Variants in NACAD observed in about 807,000 individuals in gnomAD.
NACAD encodes the protein NAC alpha domain containing, also known as NAC-alpha domain-containing protein 1.
Under a neutral mutation model 98.9 loss-of-function variants are expected in NACAD, and 47 were observed. The observed-to-expected ratio is 0.48, with a 90% CI of 0.38 to 0.61. The LOEUF is 0.61. Ranked by LOEUF, NACAD falls within the 20% of genes least tolerant of loss-of-function variation. The probability of loss-of-function intolerance (pLI) is 0.00; values close to 1 mark genes in which losing one functional copy is unlikely to be tolerated. For missense variants in NACAD, 1,412 were observed against 1,748.2 expected (o/e 0.81, Z 3.43); for synonymous variants, 696 against 767.2 (o/e 0.91, Z 1.53).
rs1257605503 is a variant in NACAD at position 45,082,486 on chromosome 7, G to C, written c.3694C>G (p.Pro1232Ala). ...DRPLGPDPSAPGTLAGAALPP... is the reference protein window; with the variant it reads ...DRPLGPDPSAAGTLAGAALPP... ...AGGGCTGCCCCAGCAAGGGTACCAGGAGCAGAAGGGTCAGGGCCCAGGGGC... is the reference window on the plus strand; with the variant it reads ...AGGGCTGCCCCAGCAAGGGTACCAGCAGCAGAAGGGTCAGGGCCCAGGGGC... The change falls in exon 2 of 8, where the codon CCT becomes GCT. Residue 1232 changes from proline (P) to alanine (A), a missense_variant. Coordinates refer to ENST00000490531, the MANE Select transcript of NACAD (RefSeq NM_001146334.2). The surrounding 1 kb of genome is among the most constrained non-coding windows in gnomAD (Gnocchi z 4.5). The C allele has an allele frequency of 3.2e-6, 5 of 1,549,510 alleles. No homozygotes were observed. The highest frequency in any genetic ancestry group is 4.4e-6 in the Non-Finnish European group (5 of 1,146,852).
At position 45,083,022 on chromosome 7, in the gene NACAD, C is replaced by T. The variant is rs1199630255; in HGVS notation, c.3158G>A (p.Cys1053Tyr). 6.4e-7 allele frequency: 1 copy of T among 1,550,960 alleles called. No homozygotes were observed. Among genetic ancestry groups the T allele is most frequent in the Non-Finnish European group, 8.7e-7 (1 of 1,146,996 alleles). Residue 1053 changes from cysteine (C) to tyrosine (Y), a missense_variant, in exon 2 of 8, where the codon TGT becomes TAT. Around this residue, in one of 5 missense-constraint regions of NACAD, gnomAD observed 572 missense variants for 639.6 expected, o/e 0.89. Coordinates refer to ENST00000490531, the MANE Select transcript of NACAD (RefSeq NM_001146334.2). ...EALSRPGREA[C>Y]LEARAHTGDG... The stretch of plus-strand genomic sequence containing the variant: ...ACCTGTGTGCGCTCGCGCTTCCAGA[C>T]ATGCTTCCCGTCCAGGCCTAGAAAG...
Position 45,085,122 on chromosome 7 carries a change from T to C in NACAD, c.1058A>G (p.Glu353Gly), listed in dbSNP as rs1167366609. Residue 353 changes from glutamate (E) to glycine (G), a missense_variant, in exon 2 of 8, where the codon GAG becomes GGG. Physicochemically the swap from Glu to Gly is moderately conservative, Grantham distance 98. Around this residue, in one of 5 missense-constraint regions of NACAD, gnomAD observed 638 missense variants for 722.7 expected, o/e 0.88. Transcript: ENST00000490531. This position sits in a 1 kb window ranked among gnomAD's most constrained non-coding sequence, Gnocchi z 6.1. ...DPGGDLAGEG[E>G]EDSTSASFLQ... The stretch of plus-strand genomic sequence containing the variant: ...GAAGGAGGCAGACGTGCTGTCCTCC[T>C]CACCCTCCCCAGCCAGGTCCCCACC... 22 of 1,550,890 alleles carry C rather than the reference T, an allele frequency of 1.4e-5. 1 individual carries two copies. The highest frequency in any genetic ancestry group is 1.7e-5 in the Non-Finnish European group (20 of 1,146,820).
chr7:45,083,291 G>A lies in NACAD; in HGVS notation c.2889C>T (p.Thr963=), dbSNP rs1441431926. 1.9e-6 allele frequency: 3 copies of A among 1,551,048 alleles called. No homozygotes were observed. In the Admixed American group the frequency reaches 5.9e-5, roughly 30 times the overall value. The change falls in exon 2 of 8, where the codon ACC becomes ACT. Residue 963 remains threonine, a synonymous_variant. Transcript: ENST00000490531. The part of the protein sequence containing the change: ...GCAPGTEPVA[T]MAQQEVGEAL... ...CCTCACCTACTTCCTGCTGAGCCAT[G>A]GTGGCCACAGGCTCTGTCCCTGGGG... is the stretch of plus-strand genomic sequence containing the variant.
chr7:45,086,202 G>A (rs1018354646), intron 1 of NACAD, 90 bp from the exon 2 acceptor site: 2 of 1,371,912 alleles, frequency 1.5e-6, no homozygotes, highest in Middle Eastern at 2.2e-4. Context: ...GCTGCATAGG[G>A]CCCAGAGGAA....
Position 45,082,269 on chromosome 7 carries a change from G to A in NACAD, c.3911C>T (p.Pro1304Leu). The A allele has an allele frequency of 6.4e-7, 1 of 1,550,626 alleles. No individual in the cohort carries two copies. Among genetic ancestry groups the A allele is most frequent in the South Asian group, 1.2e-5 (1 of 84,056 alleles). Residue 1304 changes from proline to leucine, a missense_variant, in exon 2 of 8, where the codon CCA becomes CTA. Transcript: ENST00000490531. The surrounding 1 kb of genome is among the most constrained non-coding windows in gnomAD (Gnocchi z 4.5). ...GGAGGCCACCTTGGGGCTGAGGAGT[G>A]GGGAGTGAGGCGAGAGGCTGACTCG... The part of the protein sequence containing the change: ...GPRVSLSPHS[P>L]LLSPKVASMD...
rs1434887976 is a variant in NACAD at position 45,082,903 on chromosome 7, G to T, written c.3277C>A (p.Pro1093Thr). The stretch of plus-strand genomic sequence containing the variant: ...CTTGCACCTCCAAGTGCTGACCTGG[G>T]TCCATGTTCCTGTGCCAGTGGCTTC... Reference protein sequence around the residue: ...GLKPLAQEHGPRSALGGAREV... With the variant: ...GLKPLAQEHGTRSALGGAREV... The change falls in exon 2 of 8, where the codon CCC becomes ACC. Residue 1093 changes from proline to threonine, a missense_variant. By Grantham distance (38) the Pro-to-Thr change is conservative. Around this residue, in one of 5 missense-constraint regions of NACAD, gnomAD observed 572 missense variants for 639.6 expected, o/e 0.89. Transcript: ENST00000490531. This position sits in a 1 kb window ranked among gnomAD's most constrained non-coding sequence, Gnocchi z 4.5. 15 of 1,551,042 alleles carry T rather than the reference G, an allele frequency of 9.7e-6. No homozygotes were observed. The East Asian group carries it at 3.7e-4, about 38-fold the overall frequency.
intron 4 of NACAD, 123 bp from the exon 5 acceptor site, chr7:45,081,386 G>A: frequency 7.2e-7 from 1 of 1,387,952 alleles, no homozygotes. Flanking sequence ...TTGGGCTGGT[G>A]GTTGGTCCTT....
chr7:45,084,976 C>T lies in NACAD; in HGVS notation c.1204G>A (p.Glu402Lys). Residue 402 changes from glutamate to lysine, a missense_variant, in exon 2 of 8, where the codon GAG (glutamate) becomes AAG (lysine). By Grantham distance (56) the Glu-to-Lys change is moderately conservative. Coordinates refer to ENST00000490531, the MANE Select transcript of NACAD (RefSeq NM_001146334.2). ...DSASYAEADD[E>K]RLYSGEPHAQ... is the part of the protein sequence containing the mutation. ...TGGGGCTCCCCGCTGTACAGCCTCT[C>T]ATCATCTGCCTCTGCGTAGGAGGCT... 1 of 1,551,144 alleles carries T rather than the reference C, an allele frequency of 6.4e-7. No individual in the cohort carries two copies. The highest frequency in any genetic ancestry group is 8.7e-7 in the Non-Finnish European group (1 of 1,146,970).
Position 45,081,830 on chromosome 7 carries a change from A to G in NACAD, c.4110T>C (p.Asp1370=). ...PRALGSGQHS[D]SHGESSAELD... ...GCTCGGCTGATGACTCCCCGTGGCT[A>G]TCCGAATGCTGGCCCGAGCCCAGGG... Residue 1370 remains aspartate (D), a synonymous_variant, in exon 3 of 8, where the codon GAT becomes GAC. Coordinates refer to ENST00000490531, the MANE Select transcript of NACAD (RefSeq NM_001146334.2). 1.3e-6 allele frequency: 2 copies of G among 1,549,178 alleles called. No homozygotes were observed. The highest frequency in any genetic ancestry group is 1.2e-5 in the South Asian group (1 of 84,020).
chr7:45,084,592 C>A lies in NACAD; in HGVS notation c.1588G>T (p.Glu530Ter). ...AAMAMPQPSQ[E>*]GISEILGQES... The stretch of plus-strand genomic sequence containing the variant: ...TGGCCTAAGATCTCGCTGATGCCCT[C>A]CTGGGAGGGCTGAGGCATTGCCATG... The change falls in exon 2 of 8, where the codon GAG (glutamate) becomes TAG (stop). Residue 530 changes from glutamate (E) to a stop codon, truncating the protein, a stop_gained. Coordinates refer to ENST00000490531, the MANE Select transcript of NACAD (RefSeq NM_001146334.2). LOFTEE classifies it high-confidence loss of function. The A allele has an allele frequency of 6.4e-7, 1 of 1,551,846 alleles. No homozygotes were observed. Among genetic ancestry groups the A allele is most frequent in the Non-Finnish European group, 8.7e-7 (1 of 1,147,040 alleles).
rs2304692 is a variant in NACAD at position 45,081,105 on chromosome 7, C to T, written c.4404+12G>A. ...CTCGGATCCCCCATTCCACCACAGC[C>T]GCCACCCAGACCTTGGCCTCGCCAA... On this transcript the variant is annotated intron_variant, in intron 5 of 7. Transcript: ENST00000490531. 0.16 allele frequency: 254,550 copies of T among 1,551,140 alleles called. 22,430 individuals are homozygous for T. The highest frequency in any genetic ancestry group is 0.27 in the Admixed American group (13,641 of 50,976).
At chr7:45,081,926 T>A in intron 2 of NACAD, 59 bp from the exon 3 acceptor site, 1 of 1,494,478 alleles carries the variant, frequency 6.7e-7, no homozygotes, top group Non-Finnish European at 9.0e-7. Context: ...GGGAAGGGGG[T>A]TCAGGACCCT....
At position 45,080,939 on chromosome 7, in the gene NACAD, C is replaced by G. The variant is rs1427933187; in HGVS notation, c.4488G>C (p.Glu1496Asp). The G allele has an allele frequency of 6.4e-7, 1 of 1,552,856 alleles. No individual in the cohort carries two copies. Among genetic ancestry groups the G allele is most frequent in the East Asian group, 2.4e-5 (1 of 41,012 alleles). Residue 1496 changes from glutamate to aspartate, a missense_variant, in exon 6 of 8, where the codon GAG becomes GAC. By Grantham distance (45) the Glu-to-Asp change is conservative (BLOSUM62 2). Around this residue, in one of 5 missense-constraint regions of NACAD, gnomAD observed 88 missense variants for 105.4 expected, o/e 0.84. Transcript: ENST00000490531. ...GCCTCACCCGGGGCCTGGGTGCTGA[C>G]TCAGGGACCAAGGCTGAGGGCTCTG... Reference protein sequence around the residue: ...VPSEPSALVPESAPRPRVRLE... With the variant: ...VPSEPSALVPDSAPRPRVRLE...
chr7:45,081,370 A>G, intron 4 of NACAD, 107 bp from the exon 5 acceptor site: 2 of 1,448,980 alleles, frequency 1.4e-6, no homozygotes, highest in African/African-American at 1.4e-5. Flanking sequence ...CAACTTCCCC[A>G]AGACCTTGGG....
chr7:45,083,189 C>T lies in NACAD; in HGVS notation c.2991G>A (p.Gln997=). 2.6e-6 allele frequency: 4 copies of T among 1,550,886 alleles called. No individual in the cohort carries two copies. The highest frequency in any genetic ancestry group is 3.5e-6 in the Non-Finnish European group (4 of 1,146,986). ...CTGGCTGTGGGTCATCCTGTTGGAC[C>T]TGGTCCAAGGCTGCAGGCTCCGGGA... is the stretch of plus-strand genomic sequence containing the variant. ...PTVPEPAALD[Q]VQQDDPQPAA... Residue 997 remains glutamine (Q), a synonymous_variant, in exon 2 of 8, where the codon CAG becomes CAA. Transcript: ENST00000490531.
chr7:45,080,782 G>T lies in NACAD; in HGVS notation c.4552-20C>A. On this transcript the variant is annotated intron_variant, in intron 6 of 7. Coordinates refer to ENST00000490531, the MANE Select transcript of NACAD (RefSeq NM_001146334.2). Reference sequence around the variant, plus strand: ...GTCCACCTGGAGTTGGGGGAGCAGGGAAGTGGCTGGAGCTGCTTGAGGTCC... The same window carrying T: ...GTCCACCTGGAGTTGGGGGAGCAGGTAAGTGGCTGGAGCTGCTTGAGGTCC... The T allele has an allele frequency of 6.5e-7, 1 of 1,550,384 alleles. No homozygotes were observed. Among genetic ancestry groups the T allele is most frequent in the Non-Finnish European group, 8.7e-7 (1 of 1,146,942 alleles).
In NACAD at chr7:45,085,215, T is replaced by A; in HGVS notation, c.965A>T (p.Glu322Val). 1 of 1,551,402 alleles carries A rather than the reference T, an allele frequency of 6.4e-7. No individual in the cohort carries two copies. Among genetic ancestry groups the A allele is most frequent in the Non-Finnish European group, 8.7e-7 (1 of 1,146,940 alleles). Residue 322 changes from glutamate to valine, a missense_variant, in exon 2 of 8, where the codon GAG becomes GTG. Glu to Val is a moderately radical substitution (Grantham distance 121). Transcript: ENST00000490531. The surrounding 1 kb of genome is among the most constrained non-coding windows in gnomAD (Gnocchi z 6.1). ...GGATAGCGGTGTCACCTCCACTGCC[T>A]CCACCTGAAAGATGAGGCTGCCCTG... ...PFQGSLIFQV[E>V]AVEVTPLSPE...
rs1191952061 is a variant in NACAD, at chr7:45,084,509, C to T, written c.1671G>A (p.Leu557=). ...PTPQEETSLT[L]CPDSPQNLKE... is the part of the protein sequence containing the mutation. ...TCAAGTTCTGAGGAGAGTCTGGACA[C>T]AATGTGAGGCTTGTTTCTTCCTGTG... Residue 557 remains leucine, a synonymous_variant, in exon 2 of 8, where the codon TTG becomes TTA. Transcript: ENST00000490531. 6.4e-7 allele frequency: 1 copy of T among 1,552,258 alleles called. No homozygotes were observed. The highest frequency in any genetic ancestry group is 2.4e-5 in the East Asian group (1 of 40,920).
intron 2 of NACAD, 57 bp from the exon 3 acceptor site, chr7:45,081,924 G>T (rs550126541): frequency 6.7e-7 from 1 of 1,501,308 alleles, no homozygotes; most frequent in South Asian, 1.2e-5. Flanking sequence ...CGGGGAAGGG[G>T]GTTCAGGACC....
Sources: gnomAD v4.1 joint callset for allele counts on GRCh38, gnomAD v4.1.1 for gene constraint, gnomAD v4.1.1 regional missense constraint, Gnocchi (gnomAD v3.1) non-coding constraint, MANE v1.5 for transcripts, NCBI Gene and HGNC (gene_info 2026-07-23, HGNC 2026-07-21) for gene names.